MTREX: variants seen among roughly 807,000 people sequenced by gnomAD.
MTREX encodes exosome RNA helicase MTR4.
Under a neutral mutation model 135.4 loss-of-function variants are expected in MTREX, and 76 were observed. The ratio of observed to expected loss-of-function variants is 0.56; its 90% CI spans 0.47 to 0.68. MTREX has a LOEUF of 0.68. MTREX is among the 30% of genes least tolerant of loss of function. MTREX has a pLI of 0.00. For synonymous variants in MTREX, 404 were observed against 401.6 expected, an observed-to-expected ratio of 1.01 and a Z score of -0.07; for missense variants, 920 against 1,262.1, an observed-to-expected ratio of 0.73 and a Z score of 4.11.
At chr5:55,412,876 G>T (rs1750905141) in intron 23 of MTREX, among the ~76,000 whole-genome samples, 1 of 152,076 alleles carries the variant, frequency 6.6e-6, no homozygotes, top group African/African-American at 2.4e-5. Flanking sequence ...TGGCTATTTT[G>T]CTTTTTTGCC....
chr5:55,354,443 C>T (rs1749877961), intron 14 of MTREX, among the ~76,000 whole-genome samples: 1 of 152,132 alleles, frequency 6.6e-6, no homozygotes, highest in Non-Finnish European at 1.5e-5. Flanking sequence ...CTTTATTTAA[C>T]CTTTTTTCTT....
At position 55,400,363 on chromosome 5, in the gene MTREX, C is replaced by T. The variant is rs866265306; in HGVS notation, c.2423C>T (p.Pro808Leu). The T allele has an allele frequency of 6.2e-7, 1 of 1,612,384 alleles. No individual in the cohort carries two copies. Among genetic ancestry groups the T allele is most frequent in the Middle Eastern group, 1.7e-4 (1 of 6,048 alleles). Residue 808 changes from proline (P) to leucine (L), a missense_variant, in exon 21 of 27, where the codon CCA becomes CTA. Pro to Leu is a moderately conservative substitution (Grantham distance 98). Transcript: ENST00000230640. ...TTTGAGCATCGAATGTATTCTCATCCACTTCACAATGATCCAAATTTGGAA... is the reference window on the plus strand; with the variant it reads ...TTTGAGCATCGAATGTATTCTCATCTACTTCACAATGATCCAAATTTGGAA... ...EAFEHRMYSH[P>L]LHNDPNLETV...
chr5:55,367,820 A>C (rs1256900395), intron 16 of MTREX, among the ~76,000 whole-genome samples: 1 of 152,228 alleles, frequency 6.6e-6, no homozygotes, highest in African/African-American at 2.4e-5. Context: ...TGTGAAAAAG[A>C]ATAAACCACT....
chr5:55,350,626 C>G (rs1749810346), intron 12 of MTREX, among the ~76,000 whole-genome samples: 1 of 152,008 alleles, frequency 6.6e-6, no homozygotes, highest in Admixed American at 6.6e-5. Context: ...AAAACTCTGC[C>G]CCTATAATGT....
intron 26 of MTREX, 64 bp from the exon 27 acceptor site, chr5:55,424,656 C>T (rs1248061711): frequency 1.8e-5 from 22 of 1,194,410 alleles, no homozygotes; most frequent in South Asian, 6.2e-5. Context: ...TTTAAAATTT[C>T]GGTAGAGGCA....
In MTREX at chr5:55,324,162, A is replaced by G. The variant is rs1018499590; in HGVS notation, c.303A>G (p.Val101=). The stretch of plus-strand genomic sequence containing the variant: ...CAGACCTGATGCCCAGAGTCAAGGT[A>G]CAATCAGTTGAAACTGTTGAAGGGT... The part of the protein sequence containing the change: ...SLADLMPRVK[V]QSVETVEGCT... Residue 101 remains valine (V), a synonymous_variant, in exon 3 of 27, where the codon GTA becomes GTG. Coordinates refer to ENST00000230640, the MANE Select transcript of MTREX (RefSeq NM_015360.5). 2 of 1,611,558 alleles carry G rather than the reference A, an allele frequency of 1.2e-6. No individual in the cohort carries two copies. The highest frequency in any genetic ancestry group is 1.7e-6 in the Non-Finnish European group (2 of 1,178,718).
rs184268100 is a variant in MTREX, at chr5:55,375,499, G to A, written c.1811-2815G>A. Among the ~76,000 whole-genome samples, 708 of 152,170 alleles carry A rather than the reference G, an allele frequency of 4.7e-3. 6 individuals carry two copies. The highest frequency in any genetic ancestry group is 0.015 in the African/African-American group (620 of 41,510). On this transcript the variant is annotated intron_variant, in intron 16 of 26. Transcript: ENST00000230640. ...GCTCTGTTCTGCCCGGCTCACTGGC[G>A]GTCAGAGTTTAAGGTTATCTCTCTT...
At chr5:55,377,268 A>G (rs1022493335) in intron 16 of MTREX, among the ~76,000 whole-genome samples, 1 of 152,146 alleles carries the variant, frequency 6.6e-6, no homozygotes, top group Admixed American at 6.5e-5. Context: ...CAGATCTTGC[A>G]GTGAGCCGAG....
At chr5:55,424,536 G>A (rs555758383) in intron 26 of MTREX, 184 bp from the exon 27 acceptor site, 4 of 561,314 alleles carry the variant, frequency 7.1e-6, no homozygotes, top group South Asian at 4.7e-5. Context: ...GGTCTGGCTT[G>A]TATGTTTTCC....
chr5:55,349,982 C>CTT (rs1466870687), intron 12 of MTREX, among the ~76,000 whole-genome samples: 2 of 152,184 alleles, frequency 1.3e-5, no homozygotes, highest in Non-Finnish European at 2.9e-5. Context: ...AAAGAGAACA[C>CTT]TTACTGAAAA....
At chr5:55,368,247 G>A (rs1230628367) in intron 16 of MTREX, among the ~76,000 whole-genome samples, 3 of 152,036 alleles carry the variant, frequency 2.0e-5, no homozygotes, top group African/African-American at 4.8e-5. Flanking sequence ...TCAGGAGTTC[G>A]AGGCCAGCCT....
rs1002387489 is a variant in MTREX at position 55,364,939 on chromosome 5, A to G, written c.1660-1786A>G. Among the ~76,000 whole-genome samples, 13 of 152,216 alleles carry G rather than the reference A, an allele frequency of 8.5e-5. 1 individual carries two copies. The highest frequency in any genetic ancestry group is 2.9e-4 in the African/African-American group (12 of 41,456). On this transcript the variant is annotated intron_variant, in intron 15 of 26. Transcript: ENST00000230640. ...TTTAGATAGTATAGTGATGTTATTT[A>G]TCATCCAAATTGGGATACTGTCAGA... is the stretch of plus-strand genomic sequence containing the variant.
intron 5 of MTREX, among the ~76,000 whole-genome samples, chr5:55,338,786 C>CTTTTTTTTTTTTTTTTTTT (rs67612518): frequency 1.1e-5 from 1 of 92,258 alleles, no homozygotes; most frequent in African/African-American, 4.6e-5. Flanking sequence ...CTTTCTTTTT[C>CTTTTTTTTTTTTTTTTTTT]TTTTTTTTTT....
chr5:55,413,164 C>A (rs1206581451), intron 23 of MTREX, among the ~76,000 whole-genome samples: 1 of 151,808 alleles, frequency 6.6e-6, no homozygotes, highest in African/African-American at 2.4e-5. Context: ...CATGGTGAAA[C>A]CCCGTCTCTA....
In MTREX at chr5:55,398,477, C is replaced by G. The variant is rs560615463; in HGVS notation, c.2292+951C>G. On this transcript the variant is annotated intron_variant, in intron 20 of 26. Coordinates refer to ENST00000230640, the MANE Select transcript of MTREX (RefSeq NM_015360.5). Reference sequence around the variant, plus strand: ...AAAATTTTTATGTAGATGTGGATATCTTTTCCAAAACAATCACTCCTAGAA... The same window carrying G: ...AAAATTTTTATGTAGATGTGGATATGTTTTCCAAAACAATCACTCCTAGAA... 4.6e-5 allele frequency among the ~76,000 whole-genome samples: 7 copies of G among 152,208 alleles called. No individual in the cohort carries two copies. The East Asian group carries it at 5.8e-4, about 13-fold the overall frequency.
intron 18 of MTREX, 38 bp from the exon 19 acceptor site, chr5:55,387,936 C>CT: frequency 6.5e-7 from 1 of 1,542,800 alleles, no homozygotes; most frequent in South Asian, 1.2e-5. Context: ...GGGCCAGTTT[C>CT]TTAAGAATGA....
At chr5:55,367,110 T>C (rs1029097832) in intron 16 of MTREX, among the ~76,000 whole-genome samples, 2 of 152,218 alleles carry the variant, frequency 1.3e-5, no homozygotes, top group Admixed American at 1.3e-4. Flanking sequence ...ATAATTCTTG[T>C]CTTGTGCATA....
At chr5:55,336,811 G>A (rs1226313932) in intron 5 of MTREX, among the ~76,000 whole-genome samples, 2 of 152,174 alleles carry the variant, frequency 1.3e-5, no homozygotes, top group Non-Finnish European at 2.9e-5. Flanking sequence ...CAGAACCTGC[G>A]TGTGTAGAGA....
At chr5:55,326,811 C>G (rs1232848935) in intron 3 of MTREX, among the ~76,000 whole-genome samples, 1 of 152,120 alleles carries the variant, frequency 6.6e-6, no homozygotes, top group African/African-American at 2.4e-5. Flanking sequence ...TCCTGTCAGC[C>G]TTCATTAGGT....
Sources: gnomAD v4.1 joint callset for allele counts (sites outside exome capture counted in the v4.1 genomes callset) on GRCh38, gnomAD v4.1.1 for gene constraint, MANE v1.5 for transcripts, NCBI Gene and HGNC (gene_info 2026-07-23, HGNC 2026-07-21) for gene names.